Variants in FGGY observed in about 807,000 individuals in gnomAD.
FGGY encodes FGGY carbohydrate kinase domain-containing protein.
Under a neutral mutation model 71.3 loss-of-function variants are expected in FGGY, and 72 were observed. The ratio of observed to expected loss-of-function variants is 1.01; its 90% CI spans 0.84 to 1.23. The LOEUF (loss-of-function observed/expected upper bound fraction) is 1.23. Ranked by LOEUF, FGGY falls within the 50% of genes most tolerant of loss-of-function variation. The probability of loss-of-function intolerance (pLI) is 0.00; values close to 1 mark genes in which losing one functional copy is unlikely to be tolerated. For synonymous variants in FGGY, 251 were observed against 250.3 expected (o/e 1.00, Z -0.02); for missense variants, 668 against 682.3 (o/e 0.98, Z 0.23).
chr1:59,569,412 A>G (rs1307784831), intron 8 of FGGY, among the ~76,000 whole-genome samples: 2 of 152,206 alleles, frequency 1.3e-5, no homozygotes, highest in African/African-American at 4.8e-5. Flanking sequence ...CAAAGAGATT[A>G]CAGGCTAGTA....
At chr1:59,379,092 T>G (rs1260759461) in intron 5 of FGGY, among the ~76,000 whole-genome samples, 1 of 151,536 alleles carries the variant, frequency 6.6e-6, no homozygotes, top group African/African-American at 2.4e-5. Context: ...GAAGGAGATA[T>G]GAAAAATCCA....
chr1:59,441,602 A>T (rs1396345846), intron 5 of FGGY, among the ~76,000 whole-genome samples: 1 of 152,180 alleles, frequency 6.6e-6, no homozygotes, highest in Non-Finnish European at 1.5e-5. Context: ...CAATGGTAAC[A>T]AGAGCAGCTG....
rs954935524 is a variant in FGGY at position 59,569,288 on chromosome 1, G to T, written c.903+15061G>T. Among the ~76,000 whole-genome samples, 13 of 152,142 alleles carry T rather than the reference G, an allele frequency of 8.5e-5. 1 individual carries two copies. Among genetic ancestry groups the T allele is most frequent in the Non-Finnish European group, 1.5e-4 (10 of 67,988 alleles). ...TAGATCAGAATAAAAAGAACAAAAG[G>T]TAATGATCCTAATATATTCAGATTT... On this transcript the variant is annotated intron_variant, in intron 8 of 15. Transcript: ENST00000303721.
chr1:59,599,677 A>C (rs1255286403), intron 8 of FGGY, among the ~76,000 whole-genome samples: 1 of 140,854 alleles, frequency 7.1e-6, no homozygotes, highest in Non-Finnish European at 1.5e-5. Context: ...TGGGGGACAG[A>C]GCAAGACTCA....
intron 14 of FGGY, among the ~76,000 whole-genome samples, chr1:59,715,465 C>T (rs1317524384): frequency 6.6e-6 from 1 of 152,200 alleles, no homozygotes; most frequent in African/African-American, 2.4e-5. Context: ...TAAGTCAAGT[C>T]CCGAAACACT....
At chr1:59,643,538 A>G (rs2097058962) in intron 11 of FGGY, among the ~76,000 whole-genome samples, 1 of 152,172 alleles carries the variant, frequency 6.6e-6, no homozygotes, top group South Asian at 2.1e-4. Flanking sequence ...TAGGCCAGAA[A>G]CTTATTAGGA....
chr1:59,438,625 C>T (rs981966556), intron 5 of FGGY, among the ~76,000 whole-genome samples: 6 of 152,094 alleles, frequency 3.9e-5, no homozygotes, highest in East Asian at 1.9e-4. Flanking sequence ...TTATAGTCCC[C>T]GGGAAACCAA....
At chr1:59,710,447 G>A (rs1169338515) in intron 14 of FGGY, among the ~76,000 whole-genome samples, 1 of 152,164 alleles carries the variant, frequency 6.6e-6, no homozygotes, top group African/African-American at 2.4e-5. Context: ...ATTGACAAAT[G>A]GGATCTAATT....
rs2097022635 is a variant in FGGY, at chr1:59,641,213, C to T, written c.1221+2838C>T. On this transcript the variant is annotated intron_variant, in intron 11 of 15. Transcript: ENST00000303721. ...TTGGCTCCTTGTATCATTGTCTAACCAATGATAGATTGCCTTTAGCATTTT... is the reference window on the plus strand; with the variant it reads ...TTGGCTCCTTGTATCATTGTCTAACTAATGATAGATTGCCTTTAGCATTTT... 9 of 1,269,428 alleles carry T rather than the reference C, an allele frequency of 7.1e-6. No individual in the cohort carries two copies. In the East Asian group the frequency reaches 2.0e-4, roughly 28 times the overall value. 78.6% of individuals were successfully genotyped at this position (1,269,428 alleles called of 1,614,324 possible). A position where few individuals can be genotyped will look rare whatever the true frequency, so the allele number is the denominator to read the frequency against.
chr1:59,618,733 G>A (rs1242636510), intron 9 of FGGY, among the ~76,000 whole-genome samples: 1 of 152,048 alleles, frequency 6.6e-6, no homozygotes, highest in African/African-American at 2.4e-5. Flanking sequence ...CTTAGACTGG[G>A]AGACTTAGAG....
intron 8 of FGGY, among the ~76,000 whole-genome samples, chr1:59,595,898 T>A (rs1242705941): frequency 2.0e-5 from 3 of 152,132 alleles, no homozygotes; most frequent in Non-Finnish European, 2.9e-5. Flanking sequence ...CTGCTTCACA[T>A]CGAAGGCATT....
chr1:59,330,109 G>C (rs760512115), intron 2 of FGGY, among the ~76,000 whole-genome samples: 5 of 152,040 alleles, frequency 3.3e-5, no homozygotes, highest in African/African-American at 9.7e-5. Context: ...TTCATTTTTT[G>C]TTATCAAATA....
At chr1:59,452,542 A>G (rs945015065) in intron 5 of FGGY, among the ~76,000 whole-genome samples, 1 of 152,200 alleles carries the variant, frequency 6.6e-6, no homozygotes, top group Admixed American at 6.5e-5. Flanking sequence ...TGCCTCTTGT[A>G]GATGTTCTAT....
chr1:59,579,491 C>T (rs541937175), intron 8 of FGGY, among the ~76,000 whole-genome samples: 5 of 152,302 alleles, frequency 3.3e-5, no homozygotes, highest in African/African-American at 7.2e-5. Context: ...TTCCTCTCAG[C>T]CCCCAGGAAA....
chr1:59,527,737 T>C (rs2095030744), intron 7 of FGGY, among the ~76,000 whole-genome samples: 1 of 152,196 alleles, frequency 6.6e-6, no homozygotes, highest in Non-Finnish European at 1.5e-5. Flanking sequence ...AAATTACTGT[T>C]TACTGGAGAC....
chr1:59,491,049 T>TTCCTTTCCTTTCCTTTCCTTCCCTCCCTC (rs1570024110), intron 6 of FGGY, among the ~76,000 whole-genome samples: 2 of 1,618 alleles, frequency 1.2e-3, no homozygotes, highest in Admixed American at 0.011. Context: ...CTTCCTTCCT[T>TTCCTTTCCTTTCCTTTCCTTCCCTCCCTC]CCTTCCTTCC....
intron 14 of FGGY, among the ~76,000 whole-genome samples, chr1:59,689,948 G>A (rs2097576242): frequency 6.6e-6 from 1 of 152,164 alleles, no homozygotes; most frequent in African/African-American, 2.4e-5. Flanking sequence ...TGACGGCAGT[G>A]AAATTCCTAC....
chr1:59,471,991 G>A (rs995107983), intron 6 of FGGY, among the ~76,000 whole-genome samples: 3 of 152,240 alleles, frequency 2.0e-5, no homozygotes, highest in Non-Finnish European at 4.4e-5. Flanking sequence ...GCCCTCGCTC[G>A]CTCTCCGCGC....
chr1:59,622,012 CTCTCTCTCTCTT>C (rs1212224432), intron 9 of FGGY, among the ~76,000 whole-genome samples: 4 of 151,448 alleles, frequency 2.6e-5, no homozygotes, highest in African/African-American at 7.3e-5. Flanking sequence ...CATTCATATT[CTCTCTCTCTCTT>C]TCTCTCTCTC....
Sources: allele counts gnomAD v4.1 joint callset (sites outside exome capture counted in the v4.1 genomes callset), GRCh38; gene constraint gnomAD v4.1.1; transcripts MANE v1.5; gene names NCBI Gene and HGNC (gene_info 2026-07-23, HGNC 2026-07-21).